Variants in TMEM178B observed in about 807,000 individuals in gnomAD.
TMEM178B encodes transmembrane protein 178B.
TMEM178B carries 5 observed loss-of-function variants against 31.0 expected under a neutral mutation model. The observed-to-expected ratio is 0.16, with a 90% CI of 0.08 to 0.34. The LOEUF (loss-of-function observed/expected upper bound fraction) is 0.34. Among genes scored for constraint, TMEM178B ranks in the 10% least tolerant of loss-of-function variants. The pLI is 1.00. For synonymous variants in TMEM178B, 164 were observed against 164.0 expected (o/e 1.00, Z 0.00); for missense variants, 275 against 400.3 (o/e 0.69, Z 2.67).
intron 2 of TMEM178B, among the ~76,000 whole-genome samples, chr7:141,376,915 G>A (rs921986095): frequency 6.6e-6 from 1 of 152,106 alleles, no homozygotes; most frequent in Non-Finnish European, 1.5e-5. Flanking sequence ...ATGTGAAAAT[G>A]TACTAAAATG....
intron 2 of TMEM178B, among the ~76,000 whole-genome samples, chr7:141,313,933 C>A (rs1479061388): frequency 6.6e-6 from 1 of 152,130 alleles, no homozygotes; most frequent in East Asian, 1.9e-4. Flanking sequence ...GAAATCCAGT[C>A]CCTGATAGGG....
At chr7:141,201,955 CAT>C (rs1223296927) in intron 1 of TMEM178B, among the ~76,000 whole-genome samples, 1 of 152,204 alleles carries the variant, frequency 6.6e-6, no homozygotes, top group African/African-American at 2.4e-5. Flanking sequence ...GTTCTTTTGA[CAT>C]GTGTGGCAGG....
chr7:141,166,356 G>A (rs1047490897), intron 1 of TMEM178B, among the ~76,000 whole-genome samples: 2 of 152,234 alleles, frequency 1.3e-5, no homozygotes, highest in Non-Finnish European at 2.9e-5. Flanking sequence ...ACTTTCCTCT[G>A]TGTCGGAATC....
intron 2 of TMEM178B, among the ~76,000 whole-genome samples, chr7:141,239,655 G>T (rs1354192703): frequency 1.3e-5 from 2 of 152,176 alleles, no homozygotes; most frequent in East Asian, 1.9e-4. Flanking sequence ...ACCACAGGGG[G>T]TGATGAGAGT....
chr7:141,274,764 G>C (rs1798239336), intron 2 of TMEM178B, among the ~76,000 whole-genome samples: 1 of 152,168 alleles, frequency 6.6e-6, no homozygotes, highest in Admixed American at 6.5e-5. Context: ...GGTCTGCATG[G>C]GAACATCCCT....
intron 1 of TMEM178B, among the ~76,000 whole-genome samples, chr7:141,133,132 AC>A (rs1379294106): frequency 1.3e-4 from 20 of 152,222 alleles, no homozygotes; most frequent in African/African-American, 4.8e-4. Context: ...AGCAACTGTT[AC>A]ACTAGATGTG....
At chr7:141,450,943 A>G (rs1245858143) in intron 3 of TMEM178B, among the ~76,000 whole-genome samples, 2 of 152,152 alleles carry the variant, frequency 1.3e-5, no homozygotes, top group Non-Finnish European at 2.9e-5. Context: ...TGTTCCTGTG[A>G]CAGTAGGATA....
intron 1 of TMEM178B, among the ~76,000 whole-genome samples, chr7:141,165,172 T>C (rs1005849): frequency 0.74 from 112,568 of 151,918 alleles, 42,387 homozygotes; most frequent in African/African-American, 0.85. Context: ...AGAATTTTGC[T>C]TATTTTTATA....
intron 2 of TMEM178B, among the ~76,000 whole-genome samples, chr7:141,343,413 A>T (rs896144209): frequency 4.6e-5 from 7 of 151,148 alleles, no homozygotes; most frequent in African/African-American, 1.7e-4. Context: ...CCATTGTCAG[A>T]TTCATTTGCA....
chr7:141,462,458 G>A (rs1295399344), intron 3 of TMEM178B, among the ~76,000 whole-genome samples: 2 of 151,930 alleles, frequency 1.3e-5, no homozygotes, highest in Admixed American at 1.3e-4. Flanking sequence ...TGTTGCCAGC[G>A]AGGACGTGTG....
At chr7:141,216,265 C>T (rs1349509583) in intron 2 of TMEM178B, among the ~76,000 whole-genome samples, 2 of 152,048 alleles carry the variant, frequency 1.3e-5, no homozygotes, top group Admixed American at 1.3e-4. Flanking sequence ...GTTAAGCCTA[C>T]CAATGGGAGG....
intron 1 of TMEM178B, among the ~76,000 whole-genome samples, chr7:141,156,083 C>T (rs1221175624): frequency 6.6e-6 from 1 of 151,976 alleles, no homozygotes; most frequent in African/African-American, 2.4e-5. Context: ...AAAAAAACCC[C>T]AAAACAAATA....
intron 3 of TMEM178B, among the ~76,000 whole-genome samples, chr7:141,462,464 G>A (rs548977764): frequency 2.0e-5 from 3 of 152,060 alleles, no homozygotes; most frequent in East Asian, 3.9e-4. Context: ...CAGCGAGGAC[G>A]TGTGATGTGG....
chr7:141,287,858 T>C (rs920576840), intron 2 of TMEM178B, among the ~76,000 whole-genome samples: 3 of 152,214 alleles, frequency 2.0e-5, no homozygotes, highest in Admixed American at 2.0e-4. Context: ...TCTACCTTGC[T>C]TCCTCTCAAG....
intron 2 of TMEM178B, among the ~76,000 whole-genome samples, chr7:141,390,184 A>C (rs1401282154): frequency 6.6e-6 from 1 of 152,168 alleles, no homozygotes; most frequent in East Asian, 1.9e-4. Flanking sequence ...CCAAGCCAAA[A>C]CTGAGTTAAA....
chr7:141,076,296 G>C (rs1323743864), intron 1 of TMEM178B, among the ~76,000 whole-genome samples: 3 of 152,218 alleles, frequency 2.0e-5, no homozygotes, highest in Non-Finnish European at 4.4e-5. Context: ...GATTTATAAA[G>C]TGTTATTTTA....
chr7:141,439,314 C>T (rs950968993), intron 3 of TMEM178B, among the ~76,000 whole-genome samples: 5 of 152,128 alleles, frequency 3.3e-5, no homozygotes, highest in Non-Finnish European at 5.9e-5. Context: ...GCTGCCTCCT[C>T]AGTGAGCCCC....
intron 2 of TMEM178B, among the ~76,000 whole-genome samples, chr7:141,311,562 A>G (rs750853308): frequency 3.3e-4 from 51 of 152,350 alleles, no homozygotes; most frequent in Non-Finnish European, 5.3e-4. Context: ...TATGAATTTT[A>G]TATTAGATTT....
At chr7:141,158,874 C>A (rs1252537733) in intron 1 of TMEM178B, among the ~76,000 whole-genome samples, 1 of 151,990 alleles carries the variant, frequency 6.6e-6, no homozygotes, top group Non-Finnish European at 1.5e-5. Flanking sequence ...ACTTTCTGTT[C>A]TTGAGGAGGC....
Sources: allele counts gnomAD v4.1 joint callset (sites outside exome capture counted in the v4.1 genomes callset), GRCh38; gene constraint gnomAD v4.1.1; transcripts MANE v1.5; gene names NCBI Gene and HGNC (gene_info 2026-07-23, HGNC 2026-07-21).